Variants in ZCCHC4 observed in about 807,000 individuals in gnomAD.
ZCCHC4 encodes the protein zinc finger CCHC-type containing 4.
Under a neutral mutation model 67.7 loss-of-function variants are expected in ZCCHC4, and 54 were observed. That is an observed-to-expected ratio of 0.80 (90% CI 0.64 to 1.00). ZCCHC4 has a LOEUF of 1.00. Among genes scored for constraint, ZCCHC4 ranks in the 50% least tolerant of loss-of-function variants. The pLI, the probability that ZCCHC4 is intolerant of heterozygous loss-of-function variation, is 0.00. For missense variants in ZCCHC4, 609 were observed against 617.0 expected (o/e 0.99, Z 0.14); for synonymous variants, 198 against 213.5 (o/e 0.93, Z 0.63).
At chr4:25,355,090 T>C (rs1720467603) in intron 8 of ZCCHC4, among the ~76,000 whole-genome samples, 1 of 152,104 alleles carries the variant, frequency 6.6e-6, no homozygotes, top group African/African-American at 2.4e-5. Context: ...ATCAAGCACT[T>C]GATGAATACA....
chr4:25,325,322 C>G, intron 3 of ZCCHC4, among the ~76,000 whole-genome samples: 1 of 104,814 alleles, frequency 9.5e-6, no homozygotes, highest in African/African-American at 3.4e-5. Context: ...TTTTTTTTGG[C>G]AGTGGTGCCA....
intron 8 of ZCCHC4, 126 bp from the exon 9 acceptor site, chr4:25,361,733 G>GACA: frequency 9.9e-7 from 1 of 1,013,040 alleles, no homozygotes; most frequent in Non-Finnish European, 1.4e-6. Flanking sequence ...ACTGGAACCT[G>GACA]ACACTTGGCA....
At chr4:25,366,735 T>A (rs139010783) in intron 12 of ZCCHC4, among the ~76,000 whole-genome samples, 207 of 152,356 alleles carry the variant, frequency 1.4e-3, no homozygotes, top group African/African-American at 4.8e-3. Flanking sequence ...TGGTAGTCAG[T>A]AACGTGCTCA....
At chr4:25,347,719 C>T (rs1268466197) in intron 6 of ZCCHC4, among the ~76,000 whole-genome samples, 1 of 152,210 alleles carries the variant, frequency 6.6e-6, no homozygotes, top group African/African-American at 2.4e-5. Context: ...CAGCACTTTA[C>T]AGTCCACTAG....
chr4:25,364,580 A>G, intron 11 of ZCCHC4, 75 bp downstream of exon 11: 3 of 1,302,240 alleles, frequency 2.3e-6, no homozygotes, highest in Non-Finnish European at 2.1e-6. Flanking sequence ...TAGATTTTTC[A>G]TTGGATTTAT....
chr4:25,343,125 A>T (rs1225984703), intron 5 of ZCCHC4, among the ~76,000 whole-genome samples: 1 of 152,136 alleles, frequency 6.6e-6, no homozygotes, highest in African/African-American at 2.4e-5. Context: ...CACTTTTTTT[A>T]AAGGCAGTTA....
intron 3 of ZCCHC4, among the ~76,000 whole-genome samples, chr4:25,324,664 C>A (rs769241755): frequency 2.6e-5 from 4 of 152,338 alleles, no homozygotes; most frequent in African/African-American, 4.8e-5. Context: ...GTTTTACATT[C>A]CTATCAGCAA....
intron 10 of ZCCHC4, 95 bp downstream of exon 10, chr4:25,362,396 A>C (rs1282577972): frequency 1.3e-6 from 1 of 775,250 alleles, no homozygotes; most frequent in Non-Finnish European, 1.9e-6. Context: ...TTTTGTTAAT[A>C]GGATTTGTAT....
chr4:25,329,504 C>G (rs1483570791), intron 3 of ZCCHC4, among the ~76,000 whole-genome samples: 1 of 144,818 alleles, frequency 6.9e-6, no homozygotes, highest in Non-Finnish European at 1.5e-5. Context: ...TTTAACAAAC[C>G]TTTGTAGATT....
intron 3 of ZCCHC4, among the ~76,000 whole-genome samples, chr4:25,324,824 T>C (rs1178074183): frequency 6.6e-6 from 1 of 152,262 alleles, no homozygotes; most frequent in Non-Finnish European, 1.5e-5. Flanking sequence ...TTGACTGTTT[T>C]TGTATTATCT....
intron 3 of ZCCHC4, among the ~76,000 whole-genome samples, chr4:25,325,008 C>T (rs568959448): frequency 6.6e-6 from 1 of 152,008 alleles, no homozygotes; most frequent in Non-Finnish European, 1.5e-5. Context: ...CTTTGGGAGG[C>T]CAAGGCGGGT....
intron 3 of ZCCHC4, among the ~76,000 whole-genome samples, chr4:25,322,928 A>G (rs1718661563): frequency 6.6e-6 from 1 of 152,220 alleles, no homozygotes; most frequent in African/African-American, 2.4e-5. Flanking sequence ...TGCATTTGCA[A>G]AGAATAATCA....
rs543605919 is a variant in ZCCHC4, at chr4:25,365,044, CA to C, written c.1286del (p.Asn429IlefsTer54). 1,733 of 1,614,132 alleles carry C rather than the reference CA, an allele frequency of 1.1e-3. 4 individuals carry two copies. Among genetic ancestry groups the C allele is most frequent in the Non-Finnish European group, 1.3e-3 (1,559 of 1,179,994 alleles). The stretch of plus-strand genomic sequence containing the variant: ...CAGCCTGGATCCACTGTAGCATCTG[CA>C]ATCACTGTGCTGTTCCAGATCATTC... The part of the protein sequence containing the change: ...KPSWIHCSIC[N>X]HCAVPDHSCE... On this transcript the variant is annotated frameshift_variant, in exon 12 of 13. Coordinates refer to ENST00000302874, the MANE Select transcript of ZCCHC4 (RefSeq NM_024936.3). LOFTEE classifies it high-confidence loss of function.
intron 3 of ZCCHC4, among the ~76,000 whole-genome samples, chr4:25,327,402 T>G (rs1435587628): frequency 2.9e-5 from 3 of 102,418 alleles, no homozygotes; most frequent in African/African-American, 5.0e-5. Context: ...CCCTCCCTCC[T>G]TCCCTCCTTC....
At chr4:25,354,319 T>C (rs1244802499) in intron 8 of ZCCHC4, among the ~76,000 whole-genome samples, 1 of 152,204 alleles carries the variant, frequency 6.6e-6, no homozygotes, top group African/African-American at 2.4e-5. Context: ...ACAATAATTA[T>C]GCACTTCAGT....
At chr4:25,365,322 G>A in intron 12 of ZCCHC4, 156 bp downstream of exon 12, 1 of 1,410,368 alleles carries the variant, frequency 7.1e-7, no homozygotes, top group Non-Finnish European at 9.2e-7. Flanking sequence ...AGGGAGGAGA[G>A]GAAGATGATT....
At chr4:25,319,548 T>C (rs1718467633) in intron 3 of ZCCHC4, among the ~76,000 whole-genome samples, 1 of 152,214 alleles carries the variant, frequency 6.6e-6, no homozygotes, top group African/African-American at 2.4e-5. Context: ...TGTATCACTT[T>C]GTAATCAATG....
At chr4:25,315,169 C>G in intron 2 of ZCCHC4, 149 bp from the exon 3 acceptor site, 1 of 604,364 alleles carries the variant, frequency 1.7e-6, no homozygotes, top group Non-Finnish European at 2.8e-6. Flanking sequence ...CTAGAATTTT[C>G]CCAGTTTTCG....
intron 3 of ZCCHC4, among the ~76,000 whole-genome samples, chr4:25,325,259 A>G (rs1471711384): frequency 2.0e-5 from 3 of 150,226 alleles, no homozygotes; most frequent in Non-Finnish European, 3.0e-5. Context: ...AAAAAAAAAA[A>G]AAAAGAAATA....
Sources: allele counts gnomAD v4.1 joint callset (sites outside exome capture counted in the v4.1 genomes callset), GRCh38; gene constraint gnomAD v4.1.1; transcripts MANE v1.5; gene names NCBI Gene and HGNC (gene_info 2026-07-23, HGNC 2026-07-21).